EPB41L4B: variants seen among roughly 807,000 people sequenced by gnomAD.
The protein encoded by EPB41L4B is band 4.1-like protein 4B.
EPB41L4B carries 30 observed loss-of-function variants against 112.5 expected under a neutral mutation model. That is an observed-to-expected ratio of 0.27 (90% confidence interval 0.20 to 0.36). EPB41L4B has a LOEUF of 0.36. EPB41L4B is among the 10% of genes least tolerant of loss of function. The pLI, the probability that EPB41L4B is intolerant of heterozygous loss-of-function variation, is 1.00. For missense variants in EPB41L4B, 1,024 were observed against 1,133.3 expected (o/e 0.90, Z 1.38); for synonymous variants, 408 against 439.7 (o/e 0.93, Z 0.90).
At chr9:109,316,625 G>C (rs1837645266) in intron 1 of EPB41L4B, among the ~76,000 whole-genome samples, 2 of 152,230 alleles carry the variant, frequency 1.3e-5, no homozygotes, top group African/African-American at 4.8e-5. Context: ...CAGGGTTTCT[G>C]AAGAGGACTG....
intron 15 of EPB41L4B, among the ~76,000 whole-genome samples, chr9:109,237,991 T>C (rs1263020287): frequency 2.0e-5 from 3 of 152,090 alleles, no homozygotes; most frequent in East Asian, 1.9e-4. Context: ...CATGGAGATA[T>C]GGATCCCCAC....
intron 7 of EPB41L4B, among the ~76,000 whole-genome samples, chr9:109,257,630 A>T (rs1835031908): frequency 6.6e-6 from 1 of 152,098 alleles, no homozygotes; most frequent in Non-Finnish European, 1.5e-5. Flanking sequence ...ATCCGCAATA[A>T]ACAAATCAGA....
intron 24 of EPB41L4B, 47 bp from the exon 25 acceptor site, chr9:109,176,743 A>T (rs746271641): frequency 1.9e-6 from 3 of 1,607,206 alleles, no homozygotes; most frequent in Non-Finnish European, 2.6e-6. Flanking sequence ...TTTGGGTTCC[A>T]TTTTCACACT....
chr9:109,264,968 A>G lies in EPB41L4B; in HGVS notation c.578+12T>C. On this transcript the variant is annotated intron_variant, in intron 5 of 25. Coordinates refer to ENST00000374566, the MANE Select transcript of EPB41L4B (RefSeq NM_019114.5). ...TATCCTGGGTTAAGAGTTAGAACAA[A>G]AACATACTTACTTTCCAGAAAGAAT... The G allele has an allele frequency of 6.2e-7, 1 of 1,602,306 alleles. No homozygotes were observed. Among genetic ancestry groups the G allele is most frequent in the South Asian group, 1.1e-5 (1 of 88,626 alleles).
chr9:109,319,522 A>G (rs1037070604), intron 1 of EPB41L4B, among the ~76,000 whole-genome samples: 1 of 152,196 alleles, frequency 6.6e-6, no homozygotes, highest in African/African-American at 2.4e-5. Flanking sequence ...CGCTGCGAGG[A>G]GGCTGCGGGG....
intron 1 of EPB41L4B, among the ~76,000 whole-genome samples, 190 bp from the exon 2 acceptor site, chr9:109,280,111 T>C (rs1364262552): frequency 1.3e-5 from 2 of 152,332 alleles, no homozygotes; most frequent in Admixed American, 1.3e-4. Context: ...TGCCACATAA[T>C]AGCATAAAGT....
chr9:109,258,410 A>G (rs957102507), intron 6 of EPB41L4B, 113 bp from the exon 7 acceptor site: 3 of 1,103,104 alleles, frequency 2.7e-6, no homozygotes, highest in African/African-American at 1.5e-5. Flanking sequence ...CCCCGCCCCA[A>G]TGTATAACTC....
At chr9:109,175,332 A>G (rs1324971946) in intron 25 of EPB41L4B, among the ~76,000 whole-genome samples, 4 of 152,150 alleles carry the variant, frequency 2.6e-5, no homozygotes, top group African/African-American at 9.7e-5. Context: ...ATCTGAGGGA[A>G]TGTTGTAACA....
chr9:109,176,222 G>A (rs1297277665), intron 25 of EPB41L4B, among the ~76,000 whole-genome samples: 1 of 151,922 alleles, frequency 6.6e-6, no homozygotes, highest in African/African-American at 2.4e-5. Flanking sequence ...CCACCTACTG[G>A]GTTCAAGTGA....
In EPB41L4B at chr9:109,223,299, G is replaced by C. The variant is rs1833654888; in HGVS notation, c.1410-6154C>G. Among the ~76,000 whole-genome samples the C allele has an allele frequency of 4.6e-5, 7 of 152,072 alleles. No homozygotes were observed. The South Asian group carries it at 8.3e-4, about 18-fold the overall frequency. Reference sequence around the variant, plus strand: ...CAACAACAAAAAATTAACCCGGTATGGTGGCACATACTGTGGTCCTAGCTA... The same window carrying C: ...CAACAACAAAAAATTAACCCGGTATCGTGGCACATACTGTGGTCCTAGCTA... On this transcript the variant is annotated intron_variant, in intron 15 of 25. Transcript: ENST00000374566.
chr9:109,185,638 G>A, intron 22 of EPB41L4B, 33 bp from the exon 23 acceptor site: 1 of 1,536,146 alleles, frequency 6.5e-7, no homozygotes, highest in Non-Finnish European at 8.9e-7. Context: ...AGGGGAGGAG[G>A]AGGTGGCAAG....
chr9:109,320,081 AG>A, intron 1 of EPB41L4B, 59 bp downstream of exon 1: 3 of 1,305,040 alleles, frequency 2.3e-6, no homozygotes, highest in Admixed American at 3.8e-5. Flanking sequence ...GCACTGGGGG[AG>A]GGGGAGCTGC....
chr9:109,253,702 C>G, intron 11 of EPB41L4B, 152 bp from the exon 12 acceptor site: 2 of 632,726 alleles, frequency 3.2e-6, no homozygotes, highest in Non-Finnish European at 5.6e-6. Context: ...GTTTAACCTT[C>G]CATTTGGAAA....
intron 15 of EPB41L4B, among the ~76,000 whole-genome samples, chr9:109,221,637 A>G (rs1163935973): frequency 2.0e-5 from 3 of 152,196 alleles, no homozygotes; most frequent in Admixed American, 1.3e-4. Context: ...AACTCCAATT[A>G]TTTTTTAGCC....
At chr9:109,257,198 G>T (rs1044437760) in intron 7 of EPB41L4B, among the ~76,000 whole-genome samples, 2 of 152,156 alleles carry the variant, frequency 1.3e-5, no homozygotes, top group Non-Finnish European at 2.9e-5. Flanking sequence ...AGTCACAGGA[G>T]CTTTTCAGAA....
At chr9:109,252,941 G>A (rs1478375169) in intron 12 of EPB41L4B, among the ~76,000 whole-genome samples, 1 of 152,096 alleles carries the variant, frequency 6.6e-6, no homozygotes, top group African/African-American at 2.4e-5. Context: ...AAGGGGAAGG[G>A]GGCAGGCATT....
chr9:109,240,700 CAACTTCAAGAA>C (rs1564287599), intron 15 of EPB41L4B: 2 of 985,394 alleles, frequency 2.0e-6, no homozygotes, highest in East Asian at 2.3e-4. Flanking sequence ...TGCTTTGGCA[CAACTTCAAGAA>C]AACCTTATAT....
chr9:109,247,248 T>A (rs894604844), intron 14 of EPB41L4B, among the ~76,000 whole-genome samples: 4 of 151,698 alleles, frequency 2.6e-5, no homozygotes, highest in Non-Finnish European at 4.4e-5. Context: ...ACAATACATT[T>A]AAAAAAATAA....
At chr9:109,275,792 T>C (rs1406214827) in intron 2 of EPB41L4B, among the ~76,000 whole-genome samples, 1 of 152,146 alleles carries the variant, frequency 6.6e-6, no homozygotes, top group East Asian at 1.9e-4. Flanking sequence ...AGACCTGAAA[T>C]TGCAAAATTT....
Sources: allele counts gnomAD v4.1 joint callset (sites outside exome capture counted in the v4.1 genomes callset), GRCh38; gene constraint gnomAD v4.1.1; transcripts MANE v1.5; gene names NCBI Gene and HGNC (gene_info 2026-07-23, HGNC 2026-07-21).